CSMD1: variants seen among roughly 807,000 people sequenced by gnomAD.
CSMD1 encodes the protein CUB and sushi domain-containing protein 1.
A neutral mutation model predicts 417.5 loss-of-function variants in CSMD1; 213 were observed. The observed-to-expected ratio is 0.51, with a 90% CI of 0.46 to 0.57. The LOEUF (loss-of-function observed/expected upper bound fraction) is 0.57. Among genes scored for constraint, CSMD1 ranks in the 20% least tolerant of loss-of-function variants. The pLI, the probability that CSMD1 is intolerant of heterozygous loss-of-function variation, is 0.00. For missense variants in CSMD1, 6,923 were observed against 4,529.7 expected, an observed-to-expected ratio of 1.53 and a Z score of -15.17; for synonymous variants, 2,862 against 1,736.8, an observed-to-expected ratio of 1.65 and a Z score of -16.11.
chr8:3,456,251 G>T (rs1284731978), intron 12 of CSMD1, among the ~76,000 whole-genome samples: 3 of 152,130 alleles, frequency 2.0e-5, no homozygotes, highest in African/African-American at 7.2e-5. Flanking sequence ...CTGACCGCTT[G>T]CTCTTCATAG....
intron 3 of CSMD1, among the ~76,000 whole-genome samples, chr8:4,208,207 A>G (rs1399945773): frequency 6.6e-6 from 1 of 152,184 alleles, no homozygotes; most frequent in Non-Finnish European, 1.5e-5. Flanking sequence ...TGGAACACAG[A>G]TATTTCTTCT....
chr8:4,127,597 C>T (rs147809393), intron 3 of CSMD1, among the ~76,000 whole-genome samples: 1 of 152,030 alleles, frequency 6.6e-6, no homozygotes, highest in Non-Finnish European at 1.5e-5. Flanking sequence ...TTCTACTTTC[C>T]CACACCACAT....
chr8:3,626,893 TTAA>T (rs1796519198), intron 7 of CSMD1, among the ~76,000 whole-genome samples: 1 of 149,956 alleles, frequency 6.7e-6, no homozygotes, highest in African/African-American at 2.4e-5. Flanking sequence ...TATTAATAAA[TTAA>T]TATTTAATAT....
At chr8:4,194,840 C>T (rs757839929) in intron 3 of CSMD1, among the ~76,000 whole-genome samples, 1 of 152,052 alleles carries the variant, frequency 6.6e-6, no homozygotes, top group Non-Finnish European at 1.5e-5. Context: ...AAGTTTGTTT[C>T]AGGATCTCCC....
intron 2 of CSMD1, among the ~76,000 whole-genome samples, chr8:4,465,344 T>G (rs975212287): frequency 1.3e-5 from 2 of 152,144 alleles, no homozygotes; most frequent in Non-Finnish European, 2.9e-5. Context: ...GCAAAAAGTG[T>G]ACATCAGTAC....
At chr8:3,331,009 G>A (rs931296836) in intron 23 of CSMD1, among the ~76,000 whole-genome samples, 1 of 152,060 alleles carries the variant, frequency 6.6e-6, no homozygotes, top group African/African-American at 2.4e-5. Flanking sequence ...CCAGGACTTT[G>A]GGAGGCCGAG....
chr8:4,628,828 T>C (rs1241977448), intron 2 of CSMD1, among the ~76,000 whole-genome samples: 1 of 152,110 alleles, frequency 6.6e-6, no homozygotes, highest in African/African-American at 2.4e-5. Flanking sequence ...ATCAGGAATC[T>C]CTGAGCTCCC....
chr8:3,784,676 G>T (rs1040813425), intron 5 of CSMD1, among the ~76,000 whole-genome samples: 1 of 152,274 alleles, frequency 6.6e-6, no homozygotes, highest in African/African-American at 2.4e-5. Flanking sequence ...GATATTGTCA[G>T]CAAATTTTCA....
At chr8:3,401,786 C>A (rs1372885368) in intron 15 of CSMD1, among the ~76,000 whole-genome samples, 1 of 152,108 alleles carries the variant, frequency 6.6e-6, no homozygotes, top group Non-Finnish European at 1.5e-5. Flanking sequence ...GACCAGAACC[C>A]ATGACAAGGT....
intron 3 of CSMD1, among the ~76,000 whole-genome samples, chr8:4,330,192 C>T (rs572450902): frequency 8.0e-6 from 1 of 124,768 alleles, no homozygotes; most frequent in Admixed American, 8.7e-5. Flanking sequence ...GTTATGAAAT[C>T]CACAATTTCT....
chr8:4,711,711 T>C (rs1315068078), intron 1 of CSMD1, among the ~76,000 whole-genome samples: 2 of 152,188 alleles, frequency 1.3e-5, no homozygotes, highest in Non-Finnish European at 2.9e-5. Flanking sequence ...CTAAAAACAA[T>C]TTCAATATAA....
intron 5 of CSMD1, among the ~76,000 whole-genome samples, chr8:3,984,379 T>G (rs1204050976): frequency 6.6e-6 from 1 of 152,150 alleles, no homozygotes; most frequent in Non-Finnish European, 1.5e-5. Context: ...GTTTTCCTAT[T>G]TAGACTTTTC....
chr8:4,837,049 C>T (rs1278970261), intron 1 of CSMD1, among the ~76,000 whole-genome samples: 2 of 149,406 alleles, frequency 1.3e-5, no homozygotes, highest in African/African-American at 2.6e-5. Flanking sequence ...TAAGAGACCA[C>T]CCATAAGACA....
intron 2 of CSMD1, among the ~76,000 whole-genome samples, chr8:4,447,798 C>G (rs137977264): frequency 3.8e-4 from 58 of 151,578 alleles, no homozygotes; most frequent in African/African-American, 1.3e-3. Flanking sequence ...AGAAAATAAA[C>G]GAACACAACT....
chr8:3,578,739 G>A (rs1348561188), intron 9 of CSMD1, among the ~76,000 whole-genome samples: 2 of 152,114 alleles, frequency 1.3e-5, no homozygotes, highest in East Asian at 3.9e-4. Context: ...TGTTCTGACT[G>A]GGACTGGACA....
chr8:3,852,978 C>G (rs1352946882), intron 5 of CSMD1, among the ~76,000 whole-genome samples: 2 of 152,104 alleles, frequency 1.3e-5, no homozygotes, highest in African/African-American at 4.8e-5. Context: ...GGCAAGGCTC[C>G]CCAAGAGTGT....
At chr8:4,118,656 A>G (rs1802300887) in intron 3 of CSMD1, among the ~76,000 whole-genome samples, 1 of 152,222 alleles carries the variant, frequency 6.6e-6, no homozygotes. Flanking sequence ...TGTGTAAATT[A>G]GTTCAACCAT....
chr8:4,647,493 T>G (rs529724437), intron 1 of CSMD1, among the ~76,000 whole-genome samples: 1 of 133,060 alleles, frequency 7.5e-6, no homozygotes, highest in Non-Finnish European at 1.6e-5. Flanking sequence ...CCATGGTGGT[T>G]TGTTACGTAG....
At chr8:3,017,392 A>C (rs1241630746) in intron 52 of CSMD1, among the ~76,000 whole-genome samples, 3 of 152,200 alleles carry the variant, frequency 2.0e-5, no homozygotes, top group Non-Finnish European at 4.4e-5. Flanking sequence ...AGTCCAAGGA[A>C]ATGTCATCGT....
Sources: gnomAD v4.1 joint callset for allele counts (sites outside exome capture counted in the v4.1 genomes callset) on GRCh38, gnomAD v4.1.1 for gene constraint, MANE v1.5 for transcripts, NCBI Gene and HGNC (gene_info 2026-07-23, HGNC 2026-07-21) for gene names.